PTPN21: variants seen among roughly 807,000 people sequenced by gnomAD.
The protein encoded by PTPN21 is protein tyrosine phosphatase non-receptor type 21.
PTPN21 carries 77 observed loss-of-function variants against 131.8 expected under a neutral mutation model. The ratio of observed to expected loss-of-function variants is 0.58; its 90% CI spans 0.49 to 0.71. PTPN21 has a LOEUF of 0.71. Ranked by LOEUF, PTPN21 falls within the 30% of genes least tolerant of loss-of-function variation. The pLI, the probability that PTPN21 is intolerant of heterozygous loss-of-function variation, is 0.00. For missense variants in PTPN21, 1,552 were observed against 1,527.1 expected (o/e 1.02, Z -0.27); for synonymous variants, 715 against 621.3 (o/e 1.15, Z -2.24).
Position 88,479,169 on chromosome 14 carries a change from G to A in PTPN21, c.2262C>T (p.Pro754=), listed in dbSNP as rs61747078. Residue 754 remains proline, a synonymous_variant, in exon 13 of 19, where the codon CCC becomes CCT. Coordinates refer to ENST00000556564, the MANE Select transcript of PTPN21 (RefSeq NM_007039.4). ...GGGCCTTGGGCTCCAGGATGTGCAG[G>A]GGCCCGGCGAGCAGGACGCGAGGGC... ...PGCPRVLLAG[P]LHILEPKAHV... is the part of the protein sequence containing the mutation. 1.8e-3 allele frequency: 2,846 copies of A among 1,551,738 alleles called. 29 individuals carry two copies. In the African/African-American group the frequency reaches 0.035, roughly 19 times the overall value.
chr14:88,486,977 CAAAA>C (rs1198956976), intron 10 of PTPN21, among the ~76,000 whole-genome samples: 1 of 54,632 alleles, frequency 1.8e-5, no homozygotes, highest in Non-Finnish European at 4.0e-5. Context: ...ATTCTAGCCT[CAAAA>C]AAAAAAAAAA....
At chr14:88,553,512 G>T (rs1028696201) in intron 1 of PTPN21, among the ~76,000 whole-genome samples, 1 of 150,760 alleles carries the variant, frequency 6.6e-6, no homozygotes, top group African/African-American at 2.5e-5. Flanking sequence ...TCTGTTTCAG[G>T]TATAAAATAA....
intron 9 of PTPN21, 40 bp downstream of exon 9, chr14:88,497,163 T>C: frequency 6.7e-7 from 1 of 1,496,286 alleles, no homozygotes; most frequent in Non-Finnish European, 9.3e-7. Context: ...TGTTAACTTT[T>C]AGGAAAAACA....
At chr14:88,472,222 T>C (rs1435926798) in intron 15 of PTPN21, 22 bp downstream of exon 15, 2 of 1,388,902 alleles carry the variant, frequency 1.4e-6, no homozygotes, top group South Asian at 2.3e-5. Flanking sequence ...GTGCTGTTGA[T>C]TACTTGAGGC....
intron 2 of PTPN21, among the ~76,000 whole-genome samples, chr14:88,539,741 A>T (rs2078679592): frequency 7.2e-6 from 1 of 138,920 alleles, no homozygotes; most frequent in East Asian, 1.9e-4. Context: ...TTAGTTGTAT[A>T]GCATCATACA....
intron 2 of PTPN21, among the ~76,000 whole-genome samples, chr14:88,518,386 G>GTGTGTGTATATATATA (rs1259300832): frequency 1.0e-4 from 1 of 9,708 alleles, no homozygotes; most frequent in African/African-American, 2.4e-4. Flanking sequence ...GTGTGTGTGT[G>GTGTGTGTATATATATA]TATATATATA....
Position 88,479,781 on chromosome 14 carries a change from C to T in PTPN21, c.1650G>A (p.Gln550=). Residue 550 remains glutamine (Q), a synonymous_variant, in exon 13 of 19, where the codon CAG becomes CAA. Transcript: ENST00000556564. ...PELTNAQLQA[Q]DYPSPNIMRT... ...GCATGATGTTGGGAGACGGGTAGTC[C>T]TGCGCCTGCAGCTGCGCATTGGTCA... The T allele has an allele frequency of 5.2e-6, 8 of 1,545,490 alleles. No individual in the cohort carries two copies. Among genetic ancestry groups the T allele is most frequent in the Non-Finnish European group, 6.1e-6 (7 of 1,152,602 alleles).
At chr14:88,489,646 T>C (rs1346848262) in intron 10 of PTPN21, among the ~76,000 whole-genome samples, 1 of 152,048 alleles carries the variant, frequency 6.6e-6, no homozygotes, top group Non-Finnish European at 1.5e-5. Flanking sequence ...CAAGACCCCG[T>C]CTCTTTAAAA....
chr14:88,511,703 T>C (rs757602680), intron 3 of PTPN21, among the ~76,000 whole-genome samples: 1 of 152,142 alleles, frequency 6.6e-6, no homozygotes, highest in African/African-American at 2.4e-5. Flanking sequence ...TAATAAAATG[T>C]AACATGCAGA....
intron 7 of PTPN21, 23 bp from the exon 8 acceptor site, chr14:88,500,894 G>C (rs746048303): frequency 1.9e-6 from 3 of 1,550,558 alleles, no homozygotes; most frequent in African/African-American, 1.4e-5. Context: ...AGCAGAAGAA[G>C]AAACACCCAG....
chr14:88,542,172 G>A (rs977032991), intron 2 of PTPN21, among the ~76,000 whole-genome samples: 4 of 152,134 alleles, frequency 2.6e-5, no homozygotes, highest in Admixed American at 1.3e-4. Flanking sequence ...ATTTGAAAAT[G>A]GAAAAGATAA....
Position 88,474,315 on chromosome 14 carries a change from G to A in PTPN21, c.2512-513C>T, listed in dbSNP as rs182518541. Among the ~76,000 whole-genome samples, 109 of 151,728 alleles carry A rather than the reference G, an allele frequency of 7.2e-4. 1 individual carries two copies. The highest frequency in any genetic ancestry group is 3.4e-3 in the Middle Eastern group (1 of 294). ...TCAAGCAATCCCACCTGAACCTCCC[G>A]AGTACCTGGGACTACCAGCACATGC... On this transcript the variant is annotated intron_variant, in intron 13 of 18. Transcript: ENST00000556564.
At chr14:88,512,261 T>C (rs977177973) in intron 3 of PTPN21, 1 of 152,172 alleles carries the variant, frequency 6.6e-6, no homozygotes, top group Non-Finnish European at 1.5e-5. Flanking sequence ...TTTAAAAATG[T>C]AACTACATTT....
rs1335641491 is a variant in PTPN21, at chr14:88,468,022, C to T, written c.*115G>A. On this transcript the variant is annotated 3_prime_UTR_variant, in exon 19 of 19. Coordinates refer to ENST00000556564, the MANE Select transcript of PTPN21 (RefSeq NM_007039.4). ...GCCATTCAGACTGCGCCACTTACGT[C>T]CCAGTGCCACGCTGCGTGGATCAAG... The T allele has an allele frequency of 8.3e-6, 11 of 1,328,660 alleles. No individual in the cohort carries two copies. The highest frequency in any genetic ancestry group is 9.6e-6 in the Non-Finnish European group (9 of 939,714). 82.3% of individuals were successfully genotyped at this position (1,328,660 alleles called of 1,614,324 possible).
intron 10 of PTPN21, among the ~76,000 whole-genome samples, chr14:88,490,012 CTTTTTTT>C (rs757640728): frequency 7.7e-5 from 11 of 143,070 alleles, no homozygotes; most frequent in Non-Finnish European, 1.7e-4. Context: ...GTGTGGTTTT[CTTTTTTT>C]TTTTTTGGAG....
At chr14:88,496,295 A>T in intron 10 of PTPN21, 118 bp downstream of exon 10, 1 of 886,026 alleles carries the variant, frequency 1.1e-6, no homozygotes, top group Non-Finnish European at 1.7e-6. Context: ...GAAAACAGCT[A>T]TAGGATCAAG....
intron 12 of PTPN21, among the ~76,000 whole-genome samples, chr14:88,482,660 T>C: frequency 6.6e-6 from 1 of 151,154 alleles, no homozygotes; most frequent in East Asian, 2.0e-4. Context: ...GTAGATGAGA[T>C]CCCTGGGAAG....
chr14:88,521,612 C>T (rs918354414), intron 2 of PTPN21, among the ~76,000 whole-genome samples: 1 of 149,792 alleles, frequency 6.7e-6, no homozygotes, highest in Non-Finnish European at 1.5e-5. Flanking sequence ...GGGGTTTCAC[C>T]ATGTTGGCCA....
chr14:88,522,973 T>A (rs2139325444), intron 2 of PTPN21, among the ~76,000 whole-genome samples: 1 of 150,742 alleles, frequency 6.6e-6, no homozygotes, highest in Non-Finnish European at 1.5e-5. Flanking sequence ...TCGTCTTGAA[T>A]AATAACCTTA....
Sources: allele counts gnomAD v4.1 joint callset (sites outside exome capture counted in the v4.1 genomes callset), GRCh38; gene constraint gnomAD v4.1.1; transcripts MANE v1.5; gene names NCBI Gene and HGNC (gene_info 2026-07-23, HGNC 2026-07-21).